TEAD2: variants seen among roughly 807,000 people sequenced by gnomAD.
TEAD2 encodes TEA domain transcription factor 2.
TEAD2 carries 51 observed loss-of-function variants against 61.4 expected under a neutral mutation model. That is an observed-to-expected ratio of 0.83 (90% CI 0.66 to 1.05). TEAD2 has a LOEUF of 1.05. Among genes scored for constraint, TEAD2 ranks in the 50% least tolerant of loss-of-function variants. TEAD2 has a pLI of 0.00. For synonymous variants in TEAD2, 244 were observed against 243.2 expected, an observed-to-expected ratio of 1.00 and a Z score of -0.03; for missense variants, 509 against 600.0, an observed-to-expected ratio of 0.85 and a Z score of 1.58.
intron 8 of TEAD2, among the ~76,000 whole-genome samples, chr19:49,350,544 A>G (rs911231252): frequency 1.3e-5 from 2 of 151,958 alleles, no homozygotes; most frequent in African/African-American, 4.8e-5. Flanking sequence ...CATGTTGGCC[A>G]GGTTGGTCTC....
Position 49,359,945 on chromosome 19 carries a change from AC to A in TEAD2, c.130del (p.Val44CysfsTer25). 6.2e-7 allele frequency: 1 copy of A among 1,611,424 alleles called. No individual in the cohort carries two copies. Among genetic ancestry groups the A allele is most frequent in the South Asian group, 1.1e-5 (1 of 91,060 alleles). ...GCTCTGCTCAATGTCTGGGCTCCAC[AC>A]CCCCTCTGCATCCGGGCCCCCGTCA... ...GGDGGPDAEG[V>X]WSPDIEQSFQ... On this transcript the variant is annotated frameshift_variant, in exon 2 of 13. Transcript: ENST00000593945. LOFTEE classifies it high-confidence loss of function. The surrounding 1 kb of genome is among the most constrained non-coding windows in gnomAD (Gnocchi z 4.1).
In TEAD2 at chr19:49,359,281, T is replaced by C. The variant is rs1972636745; in HGVS notation, c.297+154A>G. Reference sequence around the variant, plus strand: ...TAAATAACCCAGCCTCGGGTAATTCTTTATAGCAATACAAACGGACTAACA... The same window carrying C: ...TAAATAACCCAGCCTCGGGTAATTCCTTATAGCAATACAAACGGACTAACA... On this transcript the variant is annotated intron_variant, in intron 3 of 12. Transcript: ENST00000593945. The surrounding 1 kb of genome is among the most constrained non-coding windows in gnomAD (Gnocchi z 4.1). The C allele has an allele frequency of 2.1e-5, 15 of 705,620 alleles. No individual in the cohort carries two copies. Among genetic ancestry groups the C allele is most frequent in the Non-Finnish European group, 5.1e-6 (2 of 395,328 alleles). 43.7% of individuals were successfully genotyped at this position (705,620 alleles called of 1,614,324 possible).
In TEAD2 at chr19:49,359,448, C is replaced by T. The variant is rs751545411; in HGVS notation, c.284G>A (p.Arg95Gln). The T allele has an allele frequency of 2.5e-6, 4 of 1,614,024 alleles. No homozygotes were observed. The highest frequency in any genetic ancestry group is 3.4e-6 in the Non-Finnish European group (4 of 1,180,004). The change falls in exon 3 of 13, where the codon CGA (arginine) becomes CAA (glutamine). Residue 95 changes from arginine (R) to glutamine (Q), a missense_variant. Coordinates refer to ENST00000593945, the MANE Select transcript of TEAD2 (RefSeq NM_001256660.2). This position sits in a 1 kb window ranked among gnomAD's most constrained non-coding sequence, Gnocchi z 4.1. ...RYIKLRTGKT[R>Q]TRKQVSSHIQ... is the part of the protein sequence containing the mutation. ...CCATTCCGAGACCTGTTTTCGAGTT[C>T]GGGTCTTCCCCGTTCTCAGCTTGAT...
chr19:49,346,583 G>A (rs1421300702), intron 10 of TEAD2, among the ~76,000 whole-genome samples: 1 of 152,172 alleles, frequency 6.6e-6, no homozygotes, highest in South Asian at 2.1e-4. Context: ...CTTGAATCCA[G>A]GAGGCGGAGG....
intron 8 of TEAD2, among the ~76,000 whole-genome samples, chr19:49,350,716 TC>T (rs1356033477): frequency 6.6e-6 from 1 of 151,738 alleles, no homozygotes; most frequent in Non-Finnish European, 1.5e-5. Flanking sequence ...CTAACATACC[TC>T]CCCCATGTCT....
chr19:49,359,728 G>T lies in TEAD2; in HGVS notation c.232+116C>A. Reference sequence around the variant, plus strand: ...AATCACTTAACCTAGCTGTGCCTCAGTTTCCTCATCTGTGCAAATGGTGAT... The same window carrying T: ...AATCACTTAACCTAGCTGTGCCTCATTTTCCTCATCTGTGCAAATGGTGAT... On this transcript the variant is annotated intron_variant, in intron 2 of 12. Coordinates refer to ENST00000593945, the MANE Select transcript of TEAD2 (RefSeq NM_001256660.2). This position sits in a 1 kb window ranked among gnomAD's most constrained non-coding sequence, Gnocchi z 4.1. The T allele has an allele frequency of 1.7e-6, 2 of 1,174,262 alleles. No homozygotes were observed. The highest frequency in any genetic ancestry group is 2.5e-6 in the Non-Finnish European group (2 of 814,362). 72.7% of individuals were successfully genotyped at this position (1,174,262 alleles called of 1,614,324 possible). A position where few individuals can be genotyped will look rare whatever the true frequency, so the allele number is the denominator to read the frequency against.
Position 49,355,939 on chromosome 19 carries a change from G to A in TEAD2, c.372+20C>T. The A allele has an allele frequency of 7.9e-7, 1 of 1,263,914 alleles. No individual in the cohort carries two copies. The allele number at this position is 1,263,914 out of a possible 1,614,324, so 78.3% of individuals were successfully genotyped here. A position where few individuals can be genotyped will look rare whatever the true frequency, so the allele number is the denominator to read the frequency against. ...TAGTTTGGAGTGAGCGTGGGTGGGA[G>A]GATGGGCAGAGGAACTTACCACGTT... On this transcript the variant is annotated intron_variant, in intron 5 of 12. Transcript: ENST00000593945.
In TEAD2 at chr19:49,341,564, C is replaced by T. The variant is rs922448837; in HGVS notation, c.1243-127G>A. 4.1e-6 allele frequency: 3 copies of T among 732,746 alleles called. No homozygotes were observed. 45.4% of individuals were successfully genotyped at this position (732,746 alleles called of 1,614,324 possible). On this transcript the variant is annotated intron_variant, in intron 12 of 12. Transcript: ENST00000593945. The surrounding 1 kb of genome is among the most constrained non-coding windows in gnomAD (Gnocchi z 4.2). ...CCATCTCCAGGAAACAGGCCGCCAC[C>T]ATATCATGTTCCCCAGGAGAAAGGG...
chr19:49,357,244 G>A lies in TEAD2; in HGVS notation c.360+8C>T, dbSNP rs1339617188. 3 of 1,611,792 alleles carry A rather than the reference G, an allele frequency of 1.9e-6. No homozygotes were observed. Among genetic ancestry groups the A allele is most frequent in the Admixed American group, 1.7e-5 (1 of 59,672 alleles). The stretch of plus-strand genomic sequence containing the variant: ...TCCCCCTCTCAGGATGTCTGCATTG[G>A]TCCCTACCTTCAACTTGGACTGGAT... On this transcript the variant is annotated splice_region_variant and intron_variant, in intron 4 of 12. Transcript: ENST00000593945.
chr19:49,348,693 T>C lies in TEAD2; in HGVS notation c.747+10A>G, dbSNP rs781742234. 3.1e-6 allele frequency: 5 copies of C among 1,613,464 alleles called. No individual in the cohort carries two copies. The South Asian group carries it at 3.3e-5, about 11-fold the overall frequency. Reference sequence around the variant, plus strand: ...AAATCCCTCAGCGACTGTACCAAAATTTCACTCACAGAATCAACTGCATCT... The same window carrying C: ...AAATCCCTCAGCGACTGTACCAAAACTTCACTCACAGAATCAACTGCATCT... On this transcript the variant is annotated intron_variant, in intron 9 of 12. Coordinates refer to ENST00000593945, the MANE Select transcript of TEAD2 (RefSeq NM_001256660.2).
chr19:49,347,567 T>C, intron 9 of TEAD2: 4 of 589,430 alleles, frequency 6.8e-6, no homozygotes, highest in Non-Finnish European at 1.2e-5. Context: ...AGTCCTACAG[T>C]CCCCAACTCC....
At chr19:49,357,096 C>G (rs1972456669) in intron 4 of TEAD2, among the ~76,000 whole-genome samples, 156 bp downstream of exon 4, 1 of 147,944 alleles carries the variant, frequency 6.8e-6, no homozygotes, top group African/African-American at 2.5e-5. Context: ...CTGTCCCCCT[C>G]TCCCTGGGTC....
intron 9 of TEAD2, 48 bp downstream of exon 9, chr19:49,348,655 C>G: frequency 6.7e-7 from 1 of 1,500,804 alleles, no homozygotes; most frequent in Non-Finnish European, 9.3e-7. Flanking sequence ...TTCCTGTCAC[C>G]CTCTATATTT....
chr19:49,346,774 C>A (rs1292860590), intron 10 of TEAD2, among the ~76,000 whole-genome samples: 4 of 152,226 alleles, frequency 2.6e-5, no homozygotes, highest in Non-Finnish European at 5.9e-5. Context: ...GAAACTGATG[C>A]AAAGCATCAG....
intron 7 of TEAD2, among the ~76,000 whole-genome samples, chr19:49,353,215 CA>C (rs1285539322): frequency 6.6e-6 from 1 of 152,070 alleles, no homozygotes; most frequent in Non-Finnish European, 1.5e-5. Flanking sequence ...TCTCCTGCCT[CA>C]GGCTCCGGAG....
rs797015866 is a variant in TEAD2 at position 49,353,971 on chromosome 19, G to GT, written c.539+1176_539+1177insA. On this transcript the variant is annotated intron_variant, in intron 7 of 12. Transcript: ENST00000593945. ...AATTGTTTTTTGTTTTTTTTTTTTT[G>GT]GTGTTTTTAGTAGAGACGGGGTTTC... is the stretch of plus-strand genomic sequence containing the variant. Among the ~76,000 whole-genome samples, 1,052 of 137,638 alleles carry GT rather than the reference G, an allele frequency of 7.6e-3. 7 individuals carry two copies. Among genetic ancestry groups the GT allele is most frequent in the Middle Eastern group, 0.022 (6 of 276 alleles). 90.3% of individuals were successfully genotyped at this position (137,638 alleles called of 152,430 possible).
intron 10 of TEAD2, among the ~76,000 whole-genome samples, chr19:49,346,642 G>A (rs914267211): frequency 6.6e-6 from 1 of 152,200 alleles, no homozygotes; most frequent in Non-Finnish European, 1.5e-5. Flanking sequence ...GGGTGACAGT[G>A]AGACTATGTC....
At chr19:49,358,326 A>G (rs1283355935) in intron 3 of TEAD2, among the ~76,000 whole-genome samples, 1 of 152,216 alleles carries the variant, frequency 6.6e-6, no homozygotes, top group East Asian at 1.9e-4. Context: ...GAGGCAGCAG[A>G]ATCGCTTGAA....
At chr19:49,356,378 C>CAAAAAAA (rs35611766) in intron 4 of TEAD2, 2 of 68,780 alleles carry the variant, frequency 2.9e-5, no homozygotes, top group African/African-American at 4.9e-5. Context: ...CTGCTGGATA[C>CAAAAAAA]AAAAAAAAAA....
Sources: gnomAD v4.1 joint callset for allele counts (sites outside exome capture counted in the v4.1 genomes callset) on GRCh38, gnomAD v4.1.1 for gene constraint, Gnocchi (gnomAD v3.1) non-coding constraint, MANE v1.5 for transcripts, NCBI Gene and HGNC (gene_info 2026-07-23, HGNC 2026-07-21) for gene names.